ZBTB8OS: variants seen among roughly 807,000 people sequenced by gnomAD.
ZBTB8OS encodes the protein tRNA-splicing ligase-activating factor archease.
In ZBTB8OS, 16 loss-of-function variants were observed where a neutral mutation model predicts 29.3. The ratio of observed to expected loss-of-function variants is 0.55; its 90% CI spans 0.37 to 0.83. The LOEUF (loss-of-function observed/expected upper bound fraction) is 0.83. ZBTB8OS is among the 40% of genes least tolerant of loss of function. The probability of loss-of-function intolerance (pLI) is 0.00; values close to 1 mark genes in which losing one functional copy is unlikely to be tolerated. For synonymous variants in ZBTB8OS, 70 were observed against 64.6 expected (o/e 1.08, Z -0.40); for missense variants, 160 against 196.9 (o/e 0.81, Z 1.12).
intron 3 of ZBTB8OS, 67 bp from the exon 4 acceptor site, chr1:32,633,794 CAATA>C: frequency 6.8e-7 from 1 of 1,475,222 alleles, no homozygotes; most frequent in Non-Finnish European, 9.2e-7. Flanking sequence ...TTTAAAAGTG[CAATA>C]AATAAATGTC....
rs554574167 is a variant in ZBTB8OS at position 32,621,572 on chromosome 1, T to C, written c.*290A>G. 36 of 337,742 alleles carry C rather than the reference T, an allele frequency of 1.1e-4. No homozygotes were observed. The highest frequency in any genetic ancestry group is 7.7e-4 in the African/African-American group (35 of 45,590). The allele number at this position is 337,742 out of a possible 1,614,324, so 20.9% of individuals were successfully genotyped here. On this transcript the variant is annotated 3_prime_UTR_variant, in exon 7 of 7. Transcript: ENST00000468695. Reference sequence around the variant, plus strand: ...CTGGGGTGAGGCTGGAGGGCTTGCATTGCACTGGAAGGGCATGAGGCACAC... The same window carrying C: ...CTGGGGTGAGGCTGGAGGGCTTGCACTGCACTGGAAGGGCATGAGGCACAC...
At chr1:32,629,345 G>A (rs1323527346) in intron 5 of ZBTB8OS, among the ~76,000 whole-genome samples, 1 of 151,902 alleles carries the variant, frequency 6.6e-6, no homozygotes, top group Non-Finnish European at 1.5e-5. Flanking sequence ...GAGCCCAAAA[G>A]GTCATGGCTG....
chr1:32,634,813 C>T, intron 1 of ZBTB8OS, 21 bp from the exon 2 acceptor site: 1 of 1,524,628 alleles, frequency 6.6e-7, no homozygotes. Flanking sequence ...GAGGGAAAAA[C>T]ACTTATAAGA....
chr1:32,627,858 G>T, intron 5 of ZBTB8OS: 1 of 305,402 alleles, frequency 3.3e-6, no homozygotes, highest in Non-Finnish European at 6.0e-6. Context: ...AACATAGGGA[G>T]ACCTCATCTG....
intron 1 of ZBTB8OS, among the ~76,000 whole-genome samples, chr1:32,641,170 T>C (rs1646369260): frequency 6.6e-6 from 1 of 151,024 alleles, no homozygotes; most frequent in Admixed American, 6.6e-5. Flanking sequence ...AGCCAAATAC[T>C]GAAGTCTGAA....
chr1:32,635,046 AAGAC>A (rs1645852724), intron 1 of ZBTB8OS, among the ~76,000 whole-genome samples: 1 of 151,418 alleles, frequency 6.6e-6, no homozygotes. Context: ...GCAACAGAGC[AAGAC>A]TCCATCTCAA....
chr1:32,650,094 A>G (rs1647210478), intron 1 of ZBTB8OS, among the ~76,000 whole-genome samples: 1 of 152,174 alleles, frequency 6.6e-6, no homozygotes, highest in African/African-American at 2.4e-5. Context: ...CGCACACTCT[A>G]ATCTCACCGT....
At chr1:32,634,491 CTGGGATTACAGGCGT>C in intron 2 of ZBTB8OS, 1 of 496,368 alleles carries the variant, frequency 2.0e-6, no homozygotes, top group Non-Finnish European at 3.6e-6. Flanking sequence ...TCCCAAAGTG[CTGGGATTACAGGCGT>C]TGAGCCACCA....
chr1:32,641,265 GTTTTTTT>G (rs1160526101), intron 1 of ZBTB8OS, among the ~76,000 whole-genome samples: 11,415 of 97,252 alleles, frequency 0.12, 942 homozygotes, highest in African/African-American at 0.29. Context: ...AATTACACAA[GTTTTTTT>G]TTTTTTTTTT....
Position 32,637,234 on chromosome 1 carries a change from G to A in ZBTB8OS, c.98-2442C>T, listed in dbSNP as rs144565846. On this transcript the variant is annotated intron_variant, in intron 1 of 6. Transcript: ENST00000468695. ...TCACTGCTCTGAGTAACGTCGAGTTGTATTTACCTTTCACACACGAGTGAA... is the reference window on the plus strand; with the variant it reads ...TCACTGCTCTGAGTAACGTCGAGTTATATTTACCTTTCACACACGAGTGAA... Among the ~76,000 whole-genome samples the A allele has an allele frequency of 1.1e-3, 167 of 152,116 alleles. 2 individuals carry two copies. In the East Asian group the frequency reaches 0.03, roughly 27 times the overall value.
intron 5 of ZBTB8OS, 68 bp from the exon 6 acceptor site, chr1:32,627,612 T>A: frequency 1.3e-6 from 2 of 1,482,840 alleles, no homozygotes; most frequent in Non-Finnish European, 1.9e-6. Flanking sequence ...ATAAGCCTTG[T>A]AAATGTGGTT....
In ZBTB8OS at chr1:32,621,832, C is replaced by A. The variant is rs1169131190; in HGVS notation, c.*30G>T. On this transcript the variant is annotated 3_prime_UTR_variant, in exon 7 of 7. Coordinates refer to ENST00000468695, the MANE Select transcript of ZBTB8OS (RefSeq NM_178547.5). ...AAGGAAGAGGAAAACAAAAACAGTT[C>A]TTCGTAGGAGTCTTTTATTTTTTGG... is the stretch of plus-strand genomic sequence containing the variant. 2.0e-6 allele frequency: 3 copies of A among 1,469,672 alleles called. No homozygotes were observed. Among genetic ancestry groups the A allele is most frequent in the Non-Finnish European group, 2.8e-6 (3 of 1,076,178 alleles). The allele number at this position is 1,469,672 out of a possible 1,614,324, so 91.0% of individuals were successfully genotyped here. A position where few individuals can be genotyped will look rare whatever the true frequency, so the allele number is the denominator to read the frequency against.
chr1:32,650,046 T>C (rs1373764794), intron 1 of ZBTB8OS, among the ~76,000 whole-genome samples: 1 of 152,120 alleles, frequency 6.6e-6, no homozygotes, highest in African/African-American at 2.4e-5. Flanking sequence ...AACATCAAGT[T>C]AGAAATCCCC....
rs1414187616 is a variant in ZBTB8OS, at chr1:32,633,634, C to T, written c.327+11G>A. 6.3e-7 allele frequency: 1 copy of T among 1,580,160 alleles called. No individual in the cohort carries two copies. Among genetic ancestry groups the T allele is most frequent in the South Asian group, 1.2e-5 (1 of 85,234 alleles). ...CCATTTGCTCAGTAAAAAAGAAAAA[C>T]CTTTGCTTACCCGGGGTATGAAGAA... On this transcript the variant is annotated intron_variant, in intron 4 of 6. Coordinates refer to ENST00000468695, the MANE Select transcript of ZBTB8OS (RefSeq NM_178547.5).
chr1:32,636,713 G>C (rs57113554), intron 1 of ZBTB8OS, among the ~76,000 whole-genome samples: 1 of 150,804 alleles, frequency 6.6e-6, no homozygotes, highest in African/African-American at 2.5e-5. Flanking sequence ...AAAAAGGTGG[G>C]GGGGAAGAAG....
intron 1 of ZBTB8OS, among the ~76,000 whole-genome samples, chr1:32,638,774 G>C (rs996958086): frequency 5.3e-5 from 8 of 151,504 alleles, no homozygotes; most frequent in African/African-American, 1.7e-4. Context: ...ATTAGCTGGG[G>C]ATAGTGGCAC....
chr1:32,633,553 G>T, intron 4 of ZBTB8OS, 92 bp downstream of exon 4: 1 of 948,586 alleles, frequency 1.1e-6, no homozygotes. Flanking sequence ...GATTGGTTTT[G>T]TTTCACATGT....
In ZBTB8OS at chr1:32,642,920, G is replaced by A. The variant is rs1218056542; in HGVS notation, c.97+7513C>T. On this transcript the variant is annotated intron_variant, in intron 1 of 6. Coordinates refer to ENST00000468695, the MANE Select transcript of ZBTB8OS (RefSeq NM_178547.5). ...GGAGTAGCTGGGATTACAGTCACGC[G>A]CCACCACGCACGGCTAATTTTTGTA... 1.1e-4 allele frequency among the ~76,000 whole-genome samples: 15 copies of A among 142,092 alleles called. No homozygotes were observed. The East Asian group carries it at 2.3e-3, about 22-fold the overall frequency. 93.2% of individuals were successfully genotyped at this position (142,092 alleles called of 152,430 possible). A position where few individuals can be genotyped will look rare whatever the true frequency, so the allele number is the denominator to read the frequency against.
At chr1:32,645,215 G>A (rs1032514496) in intron 1 of ZBTB8OS, among the ~76,000 whole-genome samples, 18 of 148,820 alleles carry the variant, frequency 1.2e-4, no homozygotes, top group African/African-American at 4.5e-4. Context: ...AATGTCCTTA[G>A]GGCTAGGTGC....
Sources: allele counts gnomAD v4.1 joint callset (sites outside exome capture counted in the v4.1 genomes callset), GRCh38; gene constraint gnomAD v4.1.1; transcripts MANE v1.5; gene names NCBI Gene and HGNC (gene_info 2026-07-23, HGNC 2026-07-21).